The following ADAM32 variants were observed in gnomAD, a reference collection of about 807,000 sequenced individuals.
ADAM32 encodes the protein disintegrin and metalloproteinase domain-containing protein 32.
Under a neutral mutation model 114.9 loss-of-function variants are expected in ADAM32, and 89 were observed. The ratio of observed to expected loss-of-function variants is 0.77; its 90% CI spans 0.65 to 0.92. ADAM32 has a LOEUF of 0.92. Among genes scored for constraint, ADAM32 ranks in the 40% least tolerant of loss-of-function variants. The pLI is 0.00. For synonymous variants in ADAM32, 285 were observed against 307.5 expected, an observed-to-expected ratio of 0.93 and a Z score of 0.77; for missense variants, 870 against 932.8, an observed-to-expected ratio of 0.93 and a Z score of 0.88.
Position 39,160,950 on chromosome 8 carries a change from G to T in ADAM32, c.579G>T (p.Val193=). The T allele has an allele frequency of 6.3e-7, 1 of 1,595,120 alleles. No homozygotes were observed. The highest frequency in any genetic ancestry group is 8.5e-7 in the Non-Finnish European group (1 of 1,171,356). The change falls in exon 7 of 25, where the codon GTG becomes GTT. Residue 193 remains valine, a synonymous_variant. Transcript: ENST00000379907. ...LFPLYLEMHI[V]VDKTLYDYWG... The stretch of plus-strand genomic sequence containing the variant: ...CTCTTTATCTAGAAATGCATATTGT[G>T]GTGGACAAAACTTTGGTATGTGTTT...
intron 12 of ADAM32, among the ~76,000 whole-genome samples, chr8:39,219,241 G>A (rs1808787091): frequency 6.6e-6 from 1 of 152,152 alleles, no homozygotes; most frequent in Admixed American, 6.5e-5. Flanking sequence ...GATGGCACAA[G>A]TGTTCTCTTA....
intron 9 of ADAM32, chr8:39,167,349 C>A (rs1804905714): frequency 6.6e-6 from 1 of 152,102 alleles, no homozygotes; most frequent in Non-Finnish European, 1.5e-5. Context: ...GATCAGTTGG[C>A]TGTAAGTATT....
intron 4 of ADAM32, among the ~76,000 whole-genome samples, chr8:39,147,924 C>T (rs138421553): frequency 1.3e-5 from 2 of 152,090 alleles, no homozygotes; most frequent in Non-Finnish European, 2.9e-5. Context: ...CAGGCATGCA[C>T]CACCATGCCC....
chr8:39,213,220 A>T (rs1296170832), intron 12 of ADAM32, among the ~76,000 whole-genome samples: 1 of 152,108 alleles, frequency 6.6e-6, no homozygotes, highest in Non-Finnish European at 1.5e-5. Context: ...ATAGTTGTAT[A>T]CATTTTGGGG....
chr8:39,170,084 CA>C (rs1805097562), intron 10 of ADAM32, 87 bp downstream of exon 10: 1 of 1,002,520 alleles, frequency 1.0e-6, no homozygotes, highest in African/African-American at 1.7e-5. Context: ...AATTTATGTG[CA>C]TGTTTCCATT....
At position 39,179,058 on chromosome 8, in the gene ADAM32, G is replaced by A. The variant is rs533138465; in HGVS notation, c.916-7851G>A. Among the ~76,000 whole-genome samples, 11 of 152,304 alleles carry A rather than the reference G, an allele frequency of 7.2e-5. 1 individual carries two copies. The South Asian group carries it at 1.7e-3, about 23-fold the overall frequency. On this transcript the variant is annotated intron_variant, in intron 10 of 24. Coordinates refer to ENST00000379907, the MANE Select transcript of ADAM32 (RefSeq NM_145004.7). ...CTGGCTGTCCCTTCACAGAGCAGAT[G>A]TGCTGTGTTTGGGGGAGCCCTCCTC... is the stretch of plus-strand genomic sequence containing the variant.
Position 39,233,881 on chromosome 8 carries a change from T to C in ADAM32, c.1635-18T>C. ...ATTCCTAATGTATAATAATCATATA[T>C]ATTTTTTATGTTTTCAGGAATCTTA... On this transcript the variant is annotated intron_variant, in intron 15 of 24. Coordinates refer to ENST00000379907, the MANE Select transcript of ADAM32 (RefSeq NM_145004.7). The C allele has an allele frequency of 1.4e-6, 2 of 1,403,986 alleles. No individual in the cohort carries two copies. The highest frequency in any genetic ancestry group is 1.9e-6 in the Non-Finnish European group (2 of 1,060,738). 87.0% of individuals were successfully genotyped at this position (1,403,986 alleles called of 1,614,324 possible). A position where few individuals can be genotyped will look rare whatever the true frequency, so the allele number is the denominator to read the frequency against.
chr8:39,168,438 G>T (rs2129446354), intron 9 of ADAM32: 1 of 152,284 alleles, frequency 6.6e-6, no homozygotes. Context: ...CCTTCTGGTG[G>T]CAGGCACAGA....
intron 10 of ADAM32, among the ~76,000 whole-genome samples, chr8:39,179,063 G>A (rs1157689965): frequency 6.6e-6 from 1 of 152,166 alleles, no homozygotes; most frequent in Non-Finnish European, 1.5e-5. Context: ...CAGATGTGCT[G>A]TGTTTGGGGG....
chr8:39,188,300 T>C (rs1585492661), intron 11 of ADAM32, among the ~76,000 whole-genome samples: 1 of 152,222 alleles, frequency 6.6e-6, no homozygotes, highest in East Asian at 1.9e-4. Flanking sequence ...TAATCACACA[T>C]ATCCATATAT....
chr8:39,180,812 T>C (rs1239180829), intron 10 of ADAM32, among the ~76,000 whole-genome samples: 1 of 151,196 alleles, frequency 6.6e-6, no homozygotes, highest in Non-Finnish European at 1.5e-5. Flanking sequence ...AATACACCAA[T>C]TGGCACTCTG....
intron 11 of ADAM32, among the ~76,000 whole-genome samples, chr8:39,201,262 A>T (rs1467041754): frequency 6.6e-6 from 1 of 152,106 alleles, no homozygotes; most frequent in Non-Finnish European, 1.5e-5. Flanking sequence ...ATGAGCATGG[A>T]ATGTTCTTCC....
At chr8:39,215,031 C>G (rs1808469122) in intron 12 of ADAM32, among the ~76,000 whole-genome samples, 1 of 151,988 alleles carries the variant, frequency 6.6e-6, no homozygotes, top group Non-Finnish European at 1.5e-5. Context: ...TTTCTCTATT[C>G]TGTTCCACTG....
chr8:39,250,859 A>G (rs1013986633), intron 17 of ADAM32, among the ~76,000 whole-genome samples: 39 of 151,838 alleles, frequency 2.6e-4, no homozygotes, highest in African/African-American at 8.5e-4. Context: ...TCTGGTAACC[A>G]CCCACCTACT....
chr8:39,276,701 C>T (rs1282606531), intron 22 of ADAM32, among the ~76,000 whole-genome samples: 1 of 152,018 alleles, frequency 6.6e-6, no homozygotes, highest in East Asian at 1.9e-4. Context: ...TTTAATCTGC[C>T]TCATTATTTT....
Position 39,257,236 on chromosome 8 carries a change from A to G in ADAM32, c.2055A>G (p.Leu685=). The G allele has an allele frequency of 6.2e-7, 1 of 1,612,194 alleles. No individual in the cohort carries two copies. Among genetic ancestry groups the G allele is most frequent in the South Asian group, 1.1e-5 (1 of 90,940 alleles). Residue 685 remains leucine (L), a synonymous_variant, in exon 19 of 25, where the codon CTA becomes CTG. Coordinates refer to ENST00000379907, the MANE Select transcript of ADAM32 (RefSeq NM_145004.7). ...GGAAGACTGAAAACACCTGGCTTCT[A>G]GGTTTCCTCATTGCTCTTCCTATTC... ...ASGKTENTWL[L]GFLIALPILI...
At chr8:39,209,012 A>G (rs1013990802) in intron 11 of ADAM32, among the ~76,000 whole-genome samples, 1 of 151,814 alleles carries the variant, frequency 6.6e-6, no homozygotes, top group Non-Finnish European at 1.5e-5. Context: ...TTTGAAGGTC[A>G]ATGACTCTTA....
At position 39,235,621 on chromosome 8, in the gene ADAM32, T is replaced by A. The variant is rs114887817; in HGVS notation, c.1818+1539T>A. On this transcript the variant is annotated intron_variant, in intron 16 of 24. Transcript: ENST00000379907. ...CCCAGACAATTCTTCTCAGAAATAATGTGTAAAAACAAATTTTACTGGGTA... is the reference window on the plus strand; with the variant it reads ...CCCAGACAATTCTTCTCAGAAATAAAGTGTAAAAACAAATTTTACTGGGTA... Among the ~76,000 whole-genome samples the A allele has an allele frequency of 4.6e-3, 694 of 152,324 alleles. 7 individuals are homozygous for A. The highest frequency in any genetic ancestry group is 0.015 in the African/African-American group (628 of 41,592).
At chr8:39,274,895 G>A (rs912693355) in intron 21 of ADAM32, among the ~76,000 whole-genome samples, 1 of 152,198 alleles carries the variant, frequency 6.6e-6, no homozygotes, top group Non-Finnish European at 1.5e-5. Flanking sequence ...CCTCCTGTGT[G>A]ATAAATTTTT....
Sources: gnomAD v4.1 joint callset for allele counts (sites outside exome capture counted in the v4.1 genomes callset) on GRCh38, gnomAD v4.1.1 for gene constraint, MANE v1.5 for transcripts, NCBI Gene and HGNC (gene_info 2026-07-23, HGNC 2026-07-21) for gene names.